GSK3B: variants seen among roughly 807,000 people sequenced by gnomAD.
GSK3B encodes glycogen synthase kinase 3 beta, also known as glycogen synthase kinase-3 beta.
GSK3B carries 15 observed loss-of-function variants against 56.4 expected under a neutral mutation model. The ratio of observed to expected loss-of-function variants is 0.27; its 90% CI spans 0.18 to 0.41. The LOEUF (loss-of-function observed/expected upper bound fraction) is 0.41. Ranked by LOEUF, GSK3B falls within the 10% of genes least tolerant of loss-of-function variation. The pLI is 1.00. For missense variants in GSK3B, 300 were observed against 513.4 expected, an observed-to-expected ratio of 0.58 and a Z score of 4.02; for synonymous variants, 181 against 188.9, an observed-to-expected ratio of 0.96 and a Z score of 0.34.
intron 3 of GSK3B, among the ~76,000 whole-genome samples, chr3:119,928,380 C>T (rs1271995842): frequency 2.0e-5 from 3 of 151,410 alleles, no homozygotes; most frequent in Non-Finnish European, 4.4e-5. Flanking sequence ...CAGAGGCGGG[C>T]GGATCATGAG....
At chr3:119,872,419 C>T (rs2056260400) in intron 8 of GSK3B, among the ~76,000 whole-genome samples, 1 of 152,116 alleles carries the variant, frequency 6.6e-6, no homozygotes. Context: ...CACATAAGAT[C>T]ACCCTTGTCA....
intron 1 of GSK3B, among the ~76,000 whole-genome samples, chr3:120,053,846 C>T (rs1414467734): frequency 6.6e-6 from 1 of 152,210 alleles, no homozygotes; most frequent in African/African-American, 2.4e-5. Context: ...TAAGCCGTGA[C>T]TTGCTCCTCC....
At chr3:119,846,873 C>T (rs1332488230) in intron 9 of GSK3B, among the ~76,000 whole-genome samples, 1 of 152,170 alleles carries the variant, frequency 6.6e-6, no homozygotes, top group Non-Finnish European at 1.5e-5. Flanking sequence ...ATAGCAAAGA[C>T]TTGGAACCAA....
At chr3:119,970,120 G>C (rs1325672771) in intron 2 of GSK3B, among the ~76,000 whole-genome samples, 1 of 152,188 alleles carries the variant, frequency 6.6e-6, no homozygotes, top group Non-Finnish European at 1.5e-5. Flanking sequence ...ATCTCTTACT[G>C]TGTTGATTTA....
intron 2 of GSK3B, among the ~76,000 whole-genome samples, chr3:119,958,694 GA>G (rs946534067): frequency 2.7e-5 from 4 of 148,878 alleles, no homozygotes; most frequent in African/African-American, 7.4e-5. Flanking sequence ...GACCCTGGAA[GA>G]AAAAAAAAGG....
intron 2 of GSK3B, 106 bp downstream of exon 2, chr3:120,001,940 G>T: frequency 1.5e-6 from 1 of 670,662 alleles, no homozygotes; most frequent in Non-Finnish European, 2.4e-6. Flanking sequence ...ACAAAAATGC[G>T]CACAATAGAA....
At chr3:120,075,761 C>T (rs555883972) in intron 1 of GSK3B, among the ~76,000 whole-genome samples, 3 of 152,182 alleles carry the variant, frequency 2.0e-5, no homozygotes, top group Admixed American at 6.5e-5. Context: ...GAATTCCATG[C>T]TCATGGATCA....
intron 1 of GSK3B, among the ~76,000 whole-genome samples, chr3:120,055,289 A>G (rs1278678654): frequency 2.0e-5 from 3 of 152,220 alleles, no homozygotes; most frequent in Admixed American, 2.0e-4. Flanking sequence ...CATCAAAAAG[A>G]ATATAATTTA....
intron 3 of GSK3B, among the ~76,000 whole-genome samples, chr3:119,938,256 A>C (rs1280348885): frequency 6.6e-6 from 1 of 152,282 alleles, no homozygotes; most frequent in East Asian, 1.9e-4. Flanking sequence ...AAAAGGAAGG[A>C]GCACTTCTTA....
intron 1 of GSK3B, among the ~76,000 whole-genome samples, chr3:120,004,796 G>T (rs2057711360): frequency 6.6e-6 from 1 of 152,120 alleles, no homozygotes; most frequent in East Asian, 1.9e-4. Flanking sequence ...ACCAAAGATA[G>T]ATAAAACCAC....
rs1246291930 is a variant in GSK3B, at chr3:119,923,483, T to C, written c.367A>G (p.Lys123Glu). Residue 123 changes from lysine to glutamate, a missense_variant and splice_region_variant, in exon 4 of 11, where the codon AAA (lysine) becomes GAA (glutamate). Lys to Glu is a moderately conservative substitution (Grantham distance 56, BLOSUM62 1). Transcript: ENST00000264235. ...ACCAGATTAAGATAGACCTCATCTT[T>C]CTGAAAGAGTTTATTTAAAAAAACA... is the stretch of plus-strand genomic sequence containing the variant. Reference protein sequence around the residue: ...RYFFYSSGEKKDEVYLNLVLD... With the variant: ...RYFFYSSGEKEDEVYLNLVLD... The C allele has an allele frequency of 6.7e-7, 1 of 1,482,340 alleles. No individual in the cohort carries two copies. The highest frequency in any genetic ancestry group is 9.3e-7 in the Non-Finnish European group (1 of 1,078,386). The allele number at this position is 1,482,340 out of a possible 1,614,324, so 91.8% of individuals were successfully genotyped here.
At chr3:120,026,375 A>G (rs1477627749) in intron 1 of GSK3B, among the ~76,000 whole-genome samples, 1 of 152,168 alleles carries the variant, frequency 6.6e-6, no homozygotes, top group Non-Finnish European at 1.5e-5. Context: ...GAGGTAGTTT[A>G]TAATCTATAG....
chr3:120,039,581 T>G (rs956937964), intron 1 of GSK3B, among the ~76,000 whole-genome samples: 1 of 152,152 alleles, frequency 6.6e-6, no homozygotes, highest in African/African-American at 2.4e-5. Flanking sequence ...TTCCACCCAT[T>G]AGAAACCACA....
intron 3 of GSK3B, among the ~76,000 whole-genome samples, chr3:119,936,452 T>C (rs2056995983): frequency 6.6e-6 from 1 of 150,932 alleles, no homozygotes; most frequent in South Asian, 2.1e-4. Context: ...GTTCAAGTGA[T>C]TCTCCTGCCT....
intron 2 of GSK3B, among the ~76,000 whole-genome samples, chr3:119,973,030 T>C (rs907868364): frequency 2.0e-5 from 3 of 152,182 alleles, no homozygotes; most frequent in Admixed American, 6.5e-5. Context: ...CTTTCCAATA[T>C]TGAGGAACTA....
chr3:119,907,770 C>G (rs775924628), intron 6 of GSK3B, among the ~76,000 whole-genome samples: 6 of 152,118 alleles, frequency 3.9e-5, no homozygotes, highest in Non-Finnish European at 8.8e-5. Flanking sequence ...TAAAGTTAAA[C>G]GACTTGCCCA....
At chr3:119,868,000 T>C (rs891377249) in intron 8 of GSK3B, among the ~76,000 whole-genome samples, 37 of 151,984 alleles carry the variant, frequency 2.4e-4, no homozygotes, top group African/African-American at 8.9e-4. Context: ...AGACTAAATA[T>C]GGCCAGCGAA....
chr3:119,917,820 A>G (rs1305049300), intron 4 of GSK3B, among the ~76,000 whole-genome samples: 1 of 152,122 alleles, frequency 6.6e-6, no homozygotes, highest in Non-Finnish European at 1.5e-5. Flanking sequence ...GCAATATTAT[A>G]TATTTGTTGT....
chr3:119,921,927 A>T (rs1341594736), intron 4 of GSK3B, among the ~76,000 whole-genome samples: 1 of 152,166 alleles, frequency 6.6e-6, no homozygotes, highest in Non-Finnish European at 1.5e-5. Context: ...AATTGAGGTC[A>T]GGAGTTCAAG....
Sources: allele counts gnomAD v4.1 joint callset (sites outside exome capture counted in the v4.1 genomes callset), GRCh38; gene constraint gnomAD v4.1.1; transcripts MANE v1.5; gene names NCBI Gene and HGNC (gene_info 2026-07-23, HGNC 2026-07-21).